The following CAMK2A variants were observed in gnomAD, a reference collection of about 807,000 sequenced individuals.
The protein encoded by CAMK2A is calcium/calmodulin dependent protein kinase II alpha.
Under a neutral mutation model 79.2 loss-of-function variants are expected in CAMK2A, and 7 were observed. The ratio of observed to expected loss-of-function variants is 0.09; its 90% CI spans 0.05 to 0.17. The LOEUF (loss-of-function observed/expected upper bound fraction) is 0.17. Ranked by LOEUF, CAMK2A falls within the 10% of genes least tolerant of loss-of-function variation. The pLI is 1.00. For missense variants in CAMK2A, 214 were observed against 646.4 expected, an observed-to-expected ratio of 0.33 and a Z score of 7.25; for synonymous variants, 242 against 251.7, an observed-to-expected ratio of 0.96 and a Z score of 0.36.
chr5:150,281,179 C>T (rs1443839449), intron 1 of CAMK2A, among the ~76,000 whole-genome samples: 1 of 152,240 alleles, frequency 6.6e-6, no homozygotes, highest in East Asian at 1.9e-4. Context: ...AGCCCAGTCT[C>T]TTCCCCAAAA....
At position 150,247,765 on chromosome 5, in the gene CAMK2A, C is replaced by T. The variant is rs1230273585; in HGVS notation, c.943+7G>A. 6 of 1,609,708 alleles carry T rather than the reference C, an allele frequency of 3.7e-6. No individual in the cohort carries two copies. The African/African-American group carries it at 5.3e-5, about 14-fold the overall frequency. ...CTTACTGGGGACCCTGAGGTCCTGC[C>T]ACCTACCGGAGAAGTTCCTGGTGGC... On this transcript the variant is annotated splice_region_variant and intron_variant, in intron 12 of 18. Coordinates refer to ENST00000671881, the MANE Select transcript of CAMK2A (RefSeq NM_015981.4).
intron 13 of CAMK2A, among the ~76,000 whole-genome samples, chr5:150,243,796 A>T (rs963812017): frequency 1.3e-5 from 2 of 152,180 alleles, no homozygotes; most frequent in African/African-American, 4.8e-5. Flanking sequence ...TGCATGAATG[A>T]AGAAGCGCAG....
intron 1 of CAMK2A, among the ~76,000 whole-genome samples, chr5:150,282,732 C>T (rs1221850389): frequency 6.6e-6 from 1 of 152,256 alleles, no homozygotes; most frequent in Non-Finnish European, 1.5e-5. Flanking sequence ...GGTACCATGG[C>T]TCTAAACCAT....
intron 10 of CAMK2A, 143 bp downstream of exon 10, chr5:150,250,545 C>A: frequency 3.4e-6 from 4 of 1,189,096 alleles, no homozygotes; most frequent in Non-Finnish European, 4.8e-6. Flanking sequence ...TTCCACATTA[C>A]CCCTGAGAAC....
At position 150,244,878 on chromosome 5, in the gene CAMK2A, T is replaced by G. The variant is rs1266065465; in HGVS notation, c.984+283A>C. 2.6e-5 allele frequency among the ~76,000 whole-genome samples: 4 copies of G among 152,110 alleles called. No homozygotes were observed. The East Asian group carries it at 7.7e-4, about 29-fold the overall frequency. On this transcript the variant is annotated intron_variant, in intron 13 of 18. Transcript: ENST00000671881. ...CCTCGGAGAACCACAGAAATCTCCT[T>G]CTGACCTGCCCCTTTCCTTGCGCCT...
intron 11 of CAMK2A, among the ~76,000 whole-genome samples, chr5:150,249,333 G>A (rs1755722930): frequency 6.6e-6 from 1 of 152,200 alleles, no homozygotes; most frequent in South Asian, 2.1e-4. Context: ...AGCTTCCTCA[G>A]GGCCACAATC....
intron 15 of CAMK2A, among the ~76,000 whole-genome samples, chr5:150,231,933 A>T (rs925459609): frequency 1.3e-5 from 2 of 152,156 alleles, no homozygotes; most frequent in Non-Finnish European, 2.9e-5. Flanking sequence ...GGGTGCCGAT[A>T]GGAATTAGGC....
chr5:150,259,212 A>G (rs1297743189), intron 3 of CAMK2A, among the ~76,000 whole-genome samples: 1 of 151,468 alleles, frequency 6.6e-6, no homozygotes, highest in South Asian at 2.1e-4. Context: ...AATAAGATAA[A>G]ATAAAATAAA....
At chr5:150,288,902 C>A (rs1398884833) in intron 1 of CAMK2A, among the ~76,000 whole-genome samples, 2 of 152,200 alleles carry the variant, frequency 1.3e-5, no homozygotes, top group African/African-American at 4.8e-5. Context: ...ACCCTTCATA[C>A]CCTAGCCCCT....
intron 1 of CAMK2A, 57 bp from the exon 2 acceptor site, chr5:150,273,216 G>A: frequency 7.7e-7 from 1 of 1,304,182 alleles, no homozygotes; most frequent in Middle Eastern, 1.8e-4. Flanking sequence ...TGTGTCCCTA[G>A]GAGATGTTGG....
chr5:150,281,364 A>T (rs1473223029), intron 1 of CAMK2A, among the ~76,000 whole-genome samples: 1 of 152,270 alleles, frequency 6.6e-6, no homozygotes, highest in Non-Finnish European at 1.5e-5. Context: ...TTGATCACCC[A>T]GGACGTGGAA....
intron 11 of CAMK2A, among the ~76,000 whole-genome samples, chr5:150,248,295 CTCTT>C (rs1347484676): frequency 8.3e-5 from 12 of 144,306 alleles, no homozygotes; most frequent in Admixed American, 1.4e-4. Context: ...GGAGGATTTT[CTCTT>C]TTTTTTTTTT....
At chr5:150,245,787 C>A (rs1755542427) in intron 12 of CAMK2A, among the ~76,000 whole-genome samples, 1 of 152,230 alleles carries the variant, frequency 6.6e-6, no homozygotes, top group Non-Finnish European at 1.5e-5. Context: ...CAACCTCAGA[C>A]TCCAGAGCCC....
At chr5:150,255,692 G>A (rs1756025869) in intron 6 of CAMK2A, among the ~76,000 whole-genome samples, 2 of 152,200 alleles carry the variant, frequency 1.3e-5, no homozygotes, top group Admixed American at 1.3e-4. Flanking sequence ...AAAAGCAGAG[G>A]TTTGATGGAC....
At chr5:150,266,276 C>T (rs1756510264) in intron 2 of CAMK2A, among the ~76,000 whole-genome samples, 1 of 152,162 alleles carries the variant, frequency 6.6e-6, no homozygotes, top group South Asian at 2.1e-4. Context: ...CTACTCCGTG[C>T]CCCCAAGCAA....
At chr5:150,248,344 ATT>A (rs1181013807) in intron 11 of CAMK2A, among the ~76,000 whole-genome samples, 5 of 127,456 alleles carry the variant, frequency 3.9e-5, no homozygotes, top group East Asian at 2.3e-4. Flanking sequence ...ATATATATAT[ATT>A]ATATAATACT....
At chr5:150,273,623 G>A (rs1756840222) in intron 1 of CAMK2A, among the ~76,000 whole-genome samples, 1 of 152,132 alleles carries the variant, frequency 6.6e-6, no homozygotes, top group Non-Finnish European at 1.5e-5. Flanking sequence ...CTGTTACCAT[G>A]TCCTTGAGTC....
chr5:150,258,461 A>G (rs1321716906), intron 3 of CAMK2A, among the ~76,000 whole-genome samples: 1 of 152,260 alleles, frequency 6.6e-6, no homozygotes, highest in Non-Finnish European at 1.5e-5. Context: ...CACAGCTGCT[A>G]AAATAATGCG....
chr5:150,250,901 G>A (rs1755803390), intron 9 of CAMK2A, 91 bp from the exon 10 acceptor site: 2 of 1,450,184 alleles, frequency 1.4e-6, no homozygotes, highest in Non-Finnish European at 9.5e-7. Context: ...AGCAGGCAGG[G>A]GTCCTACTGC....
Sources: gnomAD v4.1 joint callset for allele counts (sites outside exome capture counted in the v4.1 genomes callset) on GRCh38, gnomAD v4.1.1 for gene constraint, MANE v1.5 for transcripts, NCBI Gene and HGNC (gene_info 2026-07-23, HGNC 2026-07-21) for gene names.